Variants in OAT observed in about 807,000 individuals in gnomAD.
OAT encodes ornithine aminotransferase, mitochondrial.
In OAT, 35 loss-of-function variants were observed where a neutral mutation model predicts 48.4. That is an observed-to-expected ratio of 0.72 (90% CI 0.55 to 0.96). OAT has a LOEUF of 0.96. OAT is among the 40% of genes least tolerant of loss of function. The pLI is 0.00. For missense variants in OAT, 438 were observed against 537.9 expected (o/e 0.81, Z 1.84); for synonymous variants, 182 against 198.4 (o/e 0.92, Z 0.70).
chr10:124,397,799 G>T lies in OAT; in HGVS notation c.*143C>A. 1.2e-6 allele frequency: 1 copy of T among 815,740 alleles called. No individual in the cohort carries two copies. Among genetic ancestry groups the T allele is most frequent in the South Asian group, 1.5e-5 (1 of 65,484 alleles). The allele number at this position is 815,740 out of a possible 1,614,324, so 50.5% of individuals were successfully genotyped here. On this transcript the variant is annotated 3_prime_UTR_variant, in exon 10 of 10. Transcript: ENST00000368845. ...AGGTTCATAAACGTTGTTCTATTATGTATCAACTGAAAAAAATATATTCAA... is the reference window on the plus strand; with the variant it reads ...AGGTTCATAAACGTTGTTCTATTATTTATCAACTGAAAAAAATATATTCAA...
chr10:124,408,176 A>C (rs1951635619), intron 4 of OAT, among the ~76,000 whole-genome samples: 1 of 151,968 alleles, frequency 6.6e-6, no homozygotes, highest in Non-Finnish European at 1.5e-5. Context: ...TGAAACATTC[A>C]GCAAATACGT....
chr10:124,406,867 A>G (rs1951595102), intron 4 of OAT: 1 of 712,372 alleles, frequency 1.4e-6, no homozygotes, highest in Admixed American at 6.3e-5. Context: ...CCCTATCCTC[A>G]GGGAGCTTCC....
At chr10:124,403,191 T>C (rs775033162) in intron 6 of OAT, 136 bp from the exon 7 acceptor site, 65 of 928,620 alleles carry the variant, frequency 7.0e-5, no homozygotes, top group Admixed American at 1.4e-4. Flanking sequence ...AAAAATGTTT[T>C]AACTGCACAC....
chr10:124,404,240 A>C (rs1206693005), intron 5 of OAT, among the ~76,000 whole-genome samples: 1 of 150,874 alleles, frequency 6.6e-6, no homozygotes, highest in Non-Finnish European at 1.5e-5. Context: ...GTAGCTGCGC[A>C]CCATGCCCAG....
At chr10:124,408,284 A>AGTGT (rs71026082) in intron 4 of OAT, among the ~76,000 whole-genome samples, 1,098 of 81,162 alleles carry the variant, frequency 0.014, 8 homozygotes, top group Middle Eastern at 0.029. Flanking sequence ...AAAATATATA[A>AGTGT]GTGTGTGTGT....
chr10:124,398,533 C>T (rs1404219903), intron 9 of OAT, among the ~76,000 whole-genome samples: 1 of 151,654 alleles, frequency 6.6e-6, no homozygotes, highest in Non-Finnish European at 1.5e-5. Context: ...AAGCTTGGAG[C>T]TGCAAGCTTG....
chr10:124,401,746 CT>C lies in OAT; in HGVS notation c.993del (p.Val332TrpfsTer9). 6.2e-7 allele frequency: 1 copy of C among 1,612,822 alleles called. No individual in the cohort carries two copies. Among genetic ancestry groups the C allele is most frequent in the Non-Finnish European group, 8.5e-7 (1 of 1,179,390 alleles). On this transcript the variant is annotated frameshift_variant, in exon 8 of 10. Coordinates refer to ENST00000368845, the MANE Select transcript of OAT (RefSeq NM_000274.4). LOFTEE classifies it high-confidence loss of function. ...STYGGNPLGC[R>X]VAIAALEVLE... ...TTTACCTCAAGGGCTGCGATGGCCA[CT>C]CGGCAGCCTAGTGGATTGCCACCGT... is the stretch of plus-strand genomic sequence containing the variant.
chr10:124,417,432 G>T (rs1951954399), intron 1 of OAT, among the ~76,000 whole-genome samples: 1 of 151,648 alleles, frequency 6.6e-6, no homozygotes, highest in Non-Finnish European at 1.5e-5. Flanking sequence ...TTACAGGCGC[G>T]CACCACGATG....
At position 124,418,894 on chromosome 10, in the gene OAT, C is replaced by G. The variant is rs1311281508; in HGVS notation, c.-51G>C. 3 of 152,262 alleles carry G rather than the reference C, an allele frequency of 2.0e-5. No individual in the cohort carries two copies. The highest frequency in any genetic ancestry group is 2.9e-5 in the Non-Finnish European group (2 of 68,104). The allele number at this position is 152,262 out of a possible 1,614,324, so 9.4% of individuals were successfully genotyped here. ...GTACCTGACAGCGCCTGAGGACAAC[C>G]GGGTACACGCGGCGTCTATGAAGCG... On this transcript the variant is annotated 5_prime_UTR_variant, in exon 1 of 10. Coordinates refer to ENST00000368845, the MANE Select transcript of OAT (RefSeq NM_000274.4).
intron 1 of OAT, among the ~76,000 whole-genome samples, chr10:124,418,583 G>T (rs1429436256): frequency 6.6e-6 from 1 of 152,066 alleles, no homozygotes. Flanking sequence ...CGGCCGCTCT[G>T]GGCTGGAACC....
At chr10:124,411,684 C>T (rs1458172785) in intron 2 of OAT, among the ~76,000 whole-genome samples, 17 of 152,034 alleles carry the variant, frequency 1.1e-4, no homozygotes, top group African/African-American at 3.6e-4. Flanking sequence ...GGTGTGGTGG[C>T]GCACGCCTGT....
intron 9 of OAT, among the ~76,000 whole-genome samples, chr10:124,398,615 T>C (rs1284810401): frequency 1.3e-5 from 2 of 148,226 alleles, no homozygotes; most frequent in Non-Finnish European, 3.0e-5. Flanking sequence ...TTGAATGATA[T>C]GATTAGACAT....
intron 1 of OAT, 57 bp downstream of exon 1, chr10:124,418,816 G>A (rs1952004432): frequency 6.6e-6 from 1 of 151,816 alleles, no homozygotes; most frequent in Admixed American, 6.5e-5. Context: ...GCCGCTGTCA[G>A]GGAACCCCGG....
chr10:124,398,225 C>A, intron 9 of OAT, 123 bp from the exon 10 acceptor site: 1 of 1,137,680 alleles, frequency 8.8e-7, no homozygotes, highest in Admixed American at 2.0e-5. Context: ...CTAAGGGAAG[C>A]TTGGGCTGGG....
Position 124,397,676 on chromosome 10 carries a change from A to G in OAT, c.*266T>C. The stretch of plus-strand genomic sequence containing the variant: ...CTTGATTTAGAGGCTGTCTGTATAT[A>G]GATGCATTTCACCTTAGGAAGTACA... On this transcript the variant is annotated 3_prime_UTR_variant, in exon 10 of 10. Transcript: ENST00000368845. 2.3e-6 allele frequency: 1 copy of G among 436,272 alleles called. No homozygotes were observed. Among genetic ancestry groups the G allele is most frequent in the East Asian group, 4.7e-5 (1 of 21,476 alleles). 27.0% of individuals were successfully genotyped at this position (436,272 alleles called of 1,614,324 possible). A position where few individuals can be genotyped will look rare whatever the true frequency, so the allele number is the denominator to read the frequency against.
rs200325281 is a variant in OAT at position 124,403,857 on chromosome 10, C to T, written c.712G>A (p.Val238Ile). The change falls in exon 6 of 10, where the codon GTT becomes ATT. Residue 238 changes from valine to isoleucine, a missense_variant. By Grantham distance (29) the Val-to-Ile change is conservative. Transcript: ENST00000368845. ...MVEPIQGEAG[V>I]VVPDPGYLMG... The stretch of plus-strand genomic sequence containing the variant: ...AGGTAACCTGGATCCGGAACAACAA[C>T]GCCTGCTTCACCCTGAATTGGTTCT... The T allele has an allele frequency of 3.0e-5, 49 of 1,614,156 alleles. No individual in the cohort carries two copies. Among genetic ancestry groups the T allele is most frequent in the Non-Finnish European group, 3.7e-5 (44 of 1,180,002 alleles).
At chr10:124,403,948 A>G (rs1189052436) in intron 5 of OAT, 28 bp from the exon 6 acceptor site, 4 of 1,613,678 alleles carry the variant, frequency 2.5e-6, no homozygotes, top group Non-Finnish European at 3.4e-6. Flanking sequence ...ATAAGTTTTA[A>G]TAACTTCCTT....
chr10:124,404,979 G>A (rs886198136), intron 5 of OAT, among the ~76,000 whole-genome samples: 7 of 152,232 alleles, frequency 4.6e-5, no homozygotes, highest in African/African-American at 1.7e-4. Context: ...AGGAAGCGGA[G>A]TTTGCAGTGA....
At position 124,403,927 on chromosome 10, in the gene OAT, A is replaced by G. The variant is rs773438111; in HGVS notation, c.649-7T>C. ...TTGGATCCTGAAGAGCACGCTACAGAAGAAACAGGAATAAGTTTTAATAAC... is the reference window on the plus strand; with the variant it reads ...TTGGATCCTGAAGAGCACGCTACAGGAGAAACAGGAATAAGTTTTAATAAC... On this transcript the variant is annotated splice_polypyrimidine_tract_variant and splice_region_variant and intron_variant, in intron 5 of 9. Coordinates refer to ENST00000368845, the MANE Select transcript of OAT (RefSeq NM_000274.4). 6.2e-7 allele frequency: 1 copy of G among 1,614,034 alleles called. No individual in the cohort carries two copies. The highest frequency in any genetic ancestry group is 1.1e-5 in the South Asian group (1 of 91,084).
Sources: allele counts gnomAD v4.1 joint callset (sites outside exome capture counted in the v4.1 genomes callset), GRCh38; gene constraint gnomAD v4.1.1; transcripts MANE v1.5; gene names NCBI Gene and HGNC (gene_info 2026-07-23, HGNC 2026-07-21).